ADCY3: variants seen among roughly 807,000 people sequenced by gnomAD.
ADCY3 encodes the protein adenylate cyclase type 3.
In ADCY3, 70 loss-of-function variants were observed where a neutral mutation model predicts 119.4. The ratio of observed to expected loss-of-function variants is 0.59; its 90% confidence interval spans 0.48 to 0.72. The LOEUF (loss-of-function observed/expected upper bound fraction) is 0.72, where lower values mean the gene tolerates loss of function less well. Ranked by LOEUF, ADCY3 falls within the 30% of genes least tolerant of loss-of-function variation. The probability of loss-of-function intolerance (pLI) is 0.00; values close to 1 mark genes in which losing one functional copy is unlikely to be tolerated. For synonymous variants in ADCY3, 672 were observed against 621.4 expected, an observed-to-expected ratio of 1.08 and a Z score of -1.21; for missense variants, 1,238 against 1,541.6, an observed-to-expected ratio of 0.80 and a Z score of 3.30.
rs552568701 is a variant in ADCY3 at position 24,918,735 on chromosome 2, C to T, written c.253G>A (p.Ala85Thr). The T allele has an allele frequency of 7.4e-6, 12 of 1,614,098 alleles. No homozygotes were observed. The African/African-American group carries it at 1.6e-4, about 22-fold the overall frequency. ...HETLLVLVVF[A>T]ALFDCYVVVM... is the part of the protein sequence containing the mutation. ...ACCACGTAGCAGTCAAAGAGGGCTG[C>T]AAAGACCACCAGCACCAGCAGGGTC... Residue 85 changes from alanine (A) to threonine (T), a missense_variant, in exon 2 of 22, where the codon GCA (alanine) becomes ACA (threonine). Transcript: ENST00000679454. This position sits in a 1 kb window ranked among gnomAD's most constrained non-coding sequence, Gnocchi z 5.4.
In ADCY3 at chr2:24,820,816, T is replaced by G. The variant is rs1667527282; in HGVS notation, c.3160A>C (p.Ile1054Leu). 2 of 1,613,992 alleles carry G rather than the reference T, an allele frequency of 1.2e-6. No individual in the cohort carries two copies. The highest frequency in any genetic ancestry group is 1.7e-5 in the Admixed American group (1 of 59,996). ...MNKGGVLAGVIGARKPHYDIW... is the reference protein window; with the variant it reads ...MNKGGVLAGVLGARKPHYDIW... ...TCGTAGTGTGGTTTCCGGGCTCCGA[T>G]GACCCCAGCCAGAACCCCGCCTTTG... Residue 1054 changes from isoleucine (I) to leucine (L), a missense_variant, in exon 21 of 22, where the codon ATC becomes CTC. Physicochemically the swap from Ile to Leu is conservative, Grantham distance 5. Transcript: ENST00000679454.
chr2:24,885,567 TG>T (rs749401432), intron 2 of ADCY3, among the ~76,000 whole-genome samples: 49 of 152,220 alleles, frequency 3.2e-4, no homozygotes, highest in Admixed American at 1.3e-4. Flanking sequence ...TCATCCCAGC[TG>T]GTCTTTCCAG....
chr2:24,877,298 C>A (rs2384057), intron 2 of ADCY3, among the ~76,000 whole-genome samples: 3 of 151,976 alleles, frequency 2.0e-5, no homozygotes, highest in African/African-American at 4.8e-5. Flanking sequence ...ACCCCTCCCC[C>A]CTTCAGCCTC....
chr2:24,911,175 T>C lies in ADCY3; in HGVS notation c.675+7138A>G, dbSNP rs143581464. 2.3e-4 allele frequency among the ~76,000 whole-genome samples: 35 copies of C among 151,662 alleles called. No individual in the cohort carries two copies. The East Asian group carries it at 6.4e-3, about 28-fold the overall frequency. On this transcript the variant is annotated intron_variant, in intron 2 of 21. Transcript: ENST00000679454. ...TTGAGAAACCAAAACCCTAACCCCG[T>C]TGGAACTATCTCAACAGGCTCCGAG...
At chr2:24,831,795 A>G in intron 11 of ADCY3, 46 bp from the exon 12 acceptor site, 1 of 1,030,608 alleles carries the variant, frequency 9.7e-7, no homozygotes. Flanking sequence ...GGGGACAGTG[A>G]GATGGGGTGA....
intron 3 of ADCY3, among the ~76,000 whole-genome samples, chr2:24,868,852 T>A (rs1430993219): frequency 4.8e-5 from 7 of 144,372 alleles, no homozygotes; most frequent in African/African-American, 1.8e-4. Flanking sequence ...CCACCTCTAC[T>A]AAAAAAAAAA....
chr2:24,828,981 G>A (rs1558411946), intron 13 of ADCY3, among the ~76,000 whole-genome samples: 2 of 151,908 alleles, frequency 1.3e-5, no homozygotes, highest in Admixed American at 6.6e-5. Flanking sequence ...AGGCTCTGGA[G>A]CCCCTAACTC....
intron 16 of ADCY3, chr2:24,825,705 C>T (rs1201653910): frequency 1.1e-5 from 3 of 273,320 alleles, no homozygotes; most frequent in East Asian, 2.0e-4. Flanking sequence ...TAATGTCCCT[C>T]AGCGCCACGG....
In ADCY3 at chr2:24,834,385, C is replaced by T; in HGVS notation, c.1967+100G>A. 1.0e-5 allele frequency: 14 copies of T among 1,406,750 alleles called. No individual in the cohort carries two copies. The South Asian group carries it at 1.7e-4, about 18-fold the overall frequency. The allele number at this position is 1,406,750 out of a possible 1,614,324, so 87.1% of individuals were successfully genotyped here. ...GGGTCAGGGAGCAGAGACTGGCTTG[C>T]TCCCCAATGTCAGGCTCCCGCTGAG... On this transcript the variant is annotated intron_variant, in intron 11 of 21. Transcript: ENST00000679454. This position sits in a 1 kb window ranked among gnomAD's most constrained non-coding sequence, Gnocchi z 4.2.
chr2:24,828,302 AC>A, intron 13 of ADCY3, 141 bp from the exon 14 acceptor site: 2 of 994,526 alleles, frequency 2.0e-6, no homozygotes, highest in Non-Finnish European at 1.5e-6. Context: ...GGGGAAATTT[AC>A]CAGGGACTAA....
chr2:24,917,892 T>C (rs1664653590), intron 2 of ADCY3, among the ~76,000 whole-genome samples: 1 of 152,222 alleles, frequency 6.6e-6, no homozygotes, highest in South Asian at 2.1e-4. Context: ...TATCCCCATT[T>C]GACAAAGGGG....
rs1676017256 is a variant in ADCY3, at chr2:24,878,714, G to T, written c.676-5995C>A. Among the ~76,000 whole-genome samples the T allele has an allele frequency of 6.6e-6, 1 of 152,174 alleles. No homozygotes were observed. The highest frequency in any genetic ancestry group is 2.1e-4 in the South Asian group (1 of 4,820). The stretch of plus-strand genomic sequence containing the variant: ...CCAAGGAGGCCCAGCCAGAGCCTGT[G>T]AGGCCGCCACTCAGCACAGATGGGT... On this transcript the variant is annotated intron_variant, in intron 2 of 21. Transcript: ENST00000679454. The surrounding 1 kb of genome is among the most constrained non-coding windows in gnomAD (Gnocchi z 4.0).
chr2:24,874,797 G>A (rs373450952), intron 2 of ADCY3, among the ~76,000 whole-genome samples: 9 of 152,164 alleles, frequency 5.9e-5, no homozygotes, highest in South Asian at 2.1e-4. Flanking sequence ...GGTTCCCCCC[G>A]AATTTATGTC....
chr2:24,901,110 G>A (rs1678847571), intron 2 of ADCY3, among the ~76,000 whole-genome samples: 2 of 152,174 alleles, frequency 1.3e-5, no homozygotes, highest in South Asian at 4.1e-4. Flanking sequence ...GCAGCGAGGA[G>A]GGAGCAGGTC....
At chr2:24,893,163 A>T (rs1677892572) in intron 2 of ADCY3, among the ~76,000 whole-genome samples, 1 of 151,456 alleles carries the variant, frequency 6.6e-6, no homozygotes, top group Non-Finnish European at 1.5e-5. Flanking sequence ...CCTCCAAGGT[A>T]GCTAAGACTA....
Position 24,831,688 on chromosome 2 carries a change from AG to A in ADCY3, c.2028del (p.Cys677AlafsTer41). On this transcript the variant is annotated frameshift_variant, in exon 12 of 22. Transcript: ENST00000679454. LOFTEE classifies it high-confidence loss of function. ...VGEILLLILT[I>X]CSLAAIFPRA... ...CGGGGAAAGATGGCAGCCAGGGAGC[AG>A]ATGGTCAGGATGAGGAGCAGAATCT... 6.2e-7 allele frequency: 1 copy of A among 1,614,078 alleles called. No individual in the cohort carries two copies. The highest frequency in any genetic ancestry group is 8.5e-7 in the Non-Finnish European group (1 of 1,180,006).
intron 2 of ADCY3, among the ~76,000 whole-genome samples, chr2:24,913,151 G>T (rs1664004015): frequency 6.6e-6 from 1 of 152,196 alleles, no homozygotes; most frequent in Non-Finnish European, 1.5e-5. Flanking sequence ...CTTGCTCTGT[G>T]TCCTGCACAC....
intron 2 of ADCY3, among the ~76,000 whole-genome samples, chr2:24,881,158 C>A (rs1021737601): frequency 2.0e-5 from 3 of 152,176 alleles, no homozygotes; most frequent in Admixed American, 6.5e-5. Context: ...TCTCCCGTCA[C>A]CAGAACACCA....
In ADCY3 at chr2:24,830,782, C is replaced by T. The variant is rs150335965; in HGVS notation, c.2099G>A (p.Arg700Gln). ...CCAGGTGTTCCTGGCCCAGCGGGTC[C>T]GGTCAATCCAAGTTGAGAAGGCCAC... ...KLVAFSTWID[R>Q]TRWARNTWAM... The change falls in exon 13 of 22, where the codon CGG (arginine) becomes CAG (glutamine). Residue 700 changes from arginine to glutamine, a missense_variant. By Grantham distance (43) the Arg-to-Gln change is conservative (BLOSUM62 1). Coordinates refer to ENST00000679454, the MANE Select transcript of ADCY3 (RefSeq NM_004036.5). 3.4e-5 allele frequency: 55 copies of T among 1,614,054 alleles called. No homozygotes were observed. The highest frequency in any genetic ancestry group is 2.8e-4 in the African/African-American group (21 of 75,026).
Sources: allele counts gnomAD v4.1 joint callset (sites outside exome capture counted in the v4.1 genomes callset), GRCh38; gene constraint gnomAD v4.1.1; non-coding constraint Gnocchi (gnomAD v3.1); transcripts MANE v1.5; gene names NCBI Gene and HGNC (gene_info 2026-07-23, HGNC 2026-07-21).